TMTC1: variants seen among roughly 807,000 people sequenced by gnomAD.
The protein encoded by TMTC1 is protein O-mannosyl-transferase TMTC1.
A neutral mutation model predicts 104.8 loss-of-function variants in TMTC1; 73 were observed. The ratio of observed to expected loss-of-function variants is 0.70; its 90% CI spans 0.58 to 0.85. The LOEUF is 0.85. TMTC1 is among the 40% of genes least tolerant of loss of function. The pLI is 0.00. For missense variants in TMTC1, 1,035 were observed against 1,096.1 expected, an observed-to-expected ratio of 0.94 and a Z score of 0.79; for synonymous variants, 434 against 428.7, an observed-to-expected ratio of 1.01 and a Z score of -0.15.
At chr12:29,516,272 C>G (rs1943983081) in intron 15 of TMTC1, 77 bp downstream of exon 15, 1 of 1,509,156 alleles carries the variant, frequency 6.6e-7, no homozygotes, top group Non-Finnish European at 8.9e-7. Context: ...TATAAACACG[C>G]AAACTGGAGA....
chr12:29,598,467 T>C (rs1434262725), intron 7 of TMTC1, among the ~76,000 whole-genome samples: 1 of 152,258 alleles, frequency 6.6e-6, no homozygotes, highest in African/African-American at 2.4e-5. Flanking sequence ...ACTGAATCTA[T>C]AGATCACTCT....
intron 5 of TMTC1, among the ~76,000 whole-genome samples, chr12:29,697,262 G>A (rs949368559): frequency 1.3e-5 from 2 of 152,218 alleles, no homozygotes; most frequent in African/African-American, 4.8e-5. Flanking sequence ...AGCCCTTGGT[G>A]TAGCACTGTC....
intron 6 of TMTC1, among the ~76,000 whole-genome samples, chr12:29,631,660 TA>T (rs1404467777): frequency 1.3e-5 from 2 of 152,194 alleles, no homozygotes; most frequent in Non-Finnish European, 2.9e-5. Context: ...AATCGTTGGT[TA>T]AACTGGGTGT....
intron 6 of TMTC1, among the ~76,000 whole-genome samples, chr12:29,611,647 G>A (rs1251100990): frequency 6.6e-6 from 1 of 152,166 alleles, no homozygotes; most frequent in African/African-American, 2.4e-5. Context: ...TATTTTTGTG[G>A]TTCTGAACAA....
At chr12:29,724,168 G>A (rs566632462) in intron 5 of TMTC1, among the ~76,000 whole-genome samples, 1 of 152,274 alleles carries the variant, frequency 6.6e-6, no homozygotes, top group South Asian at 2.1e-4. Flanking sequence ...AATCTCATTA[G>A]TAATTAGGGA....
chr12:29,539,129 G>C (rs766724978), intron 10 of TMTC1, among the ~76,000 whole-genome samples: 1 of 152,170 alleles, frequency 6.6e-6, no homozygotes, highest in Non-Finnish European at 1.5e-5. Context: ...TTATGAAATA[G>C]GTGTGGCTTT....
At chr12:29,732,524 A>G (rs930052703) in intron 5 of TMTC1, among the ~76,000 whole-genome samples, 1 of 152,172 alleles carries the variant, frequency 6.6e-6, no homozygotes, top group Non-Finnish European at 1.5e-5. Context: ...GGCCAGAGAA[A>G]TCCCATTGTA....
chr12:29,647,471 G>T (rs1939319457), intron 5 of TMTC1, among the ~76,000 whole-genome samples: 1 of 152,164 alleles, frequency 6.6e-6, no homozygotes, highest in Non-Finnish European at 1.5e-5. Flanking sequence ...ATGTTCGGAG[G>T]TTATTATGAG....
At chr12:29,545,676 C>CACACACACACAG (rs1555167547) in intron 10 of TMTC1, among the ~76,000 whole-genome samples, 5,037 of 137,866 alleles carry the variant, frequency 0.037, 353 homozygotes, top group African/African-American at 0.079. Context: ...CACACACACA[C>CACACACACACAG]GGATAGAAAC....
chr12:29,736,261 CAAAA>C (rs367958905), intron 5 of TMTC1, among the ~76,000 whole-genome samples: 2 of 88,562 alleles, frequency 2.3e-5, no homozygotes, highest in Non-Finnish European at 2.4e-5. Context: ...TAGGTAAAGC[CAAAA>C]AAAAAAAAAA....
chr12:29,562,070 C>T (rs1307175935), intron 9 of TMTC1, among the ~76,000 whole-genome samples: 2 of 152,182 alleles, frequency 1.3e-5, no homozygotes, highest in East Asian at 3.9e-4. Flanking sequence ...ATTTTAAGTG[C>T]ATGATTCCTT....
At chr12:29,714,388 T>G (rs903363842) in intron 5 of TMTC1, among the ~76,000 whole-genome samples, 22 of 152,328 alleles carry the variant, frequency 1.4e-4, no homozygotes, top group Non-Finnish European at 2.5e-4. Flanking sequence ...GTGTTGGGAT[T>G]TCTTTTAAAA....
At chr12:29,740,712 T>G (rs948978667) in intron 5 of TMTC1, among the ~76,000 whole-genome samples, 1 of 152,194 alleles carries the variant, frequency 6.6e-6, no homozygotes, top group Admixed American at 6.5e-5. Context: ...TAGGCTCAAG[T>G]GATCTTACCT....
chr12:29,694,903 T>C (rs531079953), intron 5 of TMTC1, among the ~76,000 whole-genome samples: 68 of 152,178 alleles, frequency 4.5e-4, no homozygotes, highest in African/African-American at 1.5e-3. Context: ...CATTGCACTC[T>C]AGCCTGGGCA....
intron 9 of TMTC1, among the ~76,000 whole-genome samples, chr12:29,567,150 G>A (rs2136287345): frequency 6.6e-6 from 1 of 152,318 alleles, no homozygotes; most frequent in African/African-American, 2.4e-5. Flanking sequence ...AGCTGGAACT[G>A]CATTCTACTC....
chr12:29,506,789 A>G lies in TMTC1; in HGVS notation c.*57T>C. 2.5e-6 allele frequency: 4 copies of G among 1,602,898 alleles called. No homozygotes were observed. The highest frequency in any genetic ancestry group is 1.7e-6 in the Non-Finnish European group (2 of 1,170,934). On this transcript the variant is annotated 3_prime_UTR_variant, in exon 18 of 18. Coordinates refer to ENST00000539277, the MANE Select transcript of TMTC1 (RefSeq NM_001193451.2). ...CTGCTGATGTGAAAGCAAGGCTTCC[A>G]TCACTCCCCTTTCAGAGGCACCACA...
intron 5 of TMTC1, among the ~76,000 whole-genome samples, chr12:29,724,081 T>C (rs1942314106): frequency 6.6e-6 from 1 of 151,710 alleles, no homozygotes; most frequent in South Asian, 2.1e-4. Flanking sequence ...CTAAGAAAAA[T>C]CAGCAAGAGA....
chr12:29,734,584 C>T (rs11050415), intron 5 of TMTC1, among the ~76,000 whole-genome samples: 7,409 of 152,186 alleles, frequency 0.049, 231 homozygotes, highest in South Asian at 0.13. Context: ...CAGATAGATC[C>T]ACATATAGAA....
At position 29,590,557 on chromosome 12, in the gene TMTC1, C is replaced by T. The variant is rs188840507; in HGVS notation, c.1251-6983G>A. Among the ~76,000 whole-genome samples the T allele has an allele frequency of 5.3e-4, 80 of 152,266 alleles. 1 individual carries two copies. Among genetic ancestry groups the T allele is most frequent in the South Asian group, 2.1e-3 (10 of 4,816 alleles). ...ATCCCAGCACTTTGGGAGGCCAAGGCGGGCAGATCAGGAGGTCGGGAGTTT... is the reference window on the plus strand; with the variant it reads ...ATCCCAGCACTTTGGGAGGCCAAGGTGGGCAGATCAGGAGGTCGGGAGTTT... On this transcript the variant is annotated intron_variant, in intron 7 of 17. Coordinates refer to ENST00000539277, the MANE Select transcript of TMTC1 (RefSeq NM_001193451.2).
Sources: allele counts gnomAD v4.1 joint callset (sites outside exome capture counted in the v4.1 genomes callset), GRCh38; gene constraint gnomAD v4.1.1; transcripts MANE v1.5; gene names NCBI Gene and HGNC (gene_info 2026-07-23, HGNC 2026-07-21).